Variants in PAQR8 observed in about 807,000 individuals in gnomAD.
The protein encoded by PAQR8 is membrane progestin receptor beta.
A neutral mutation model predicts 25.2 loss-of-function variants in PAQR8; 17 were observed. The observed-to-expected ratio is 0.67, with a 90% CI of 0.46 to 1.01. The LOEUF is 1.01. Among genes scored for constraint, PAQR8 ranks in the 50% least tolerant of loss-of-function variants. The probability of loss-of-function intolerance (pLI) is 0.00; values close to 1 mark genes in which losing one functional copy is unlikely to be tolerated. For synonymous variants in PAQR8, 204 were observed against 190.6 expected, an observed-to-expected ratio of 1.07 and a Z score of -0.58; for missense variants, 392 against 448.4, an observed-to-expected ratio of 0.87 and a Z score of 1.14.
intron 1 of PAQR8, among the ~76,000 whole-genome samples, chr6:52,390,550 G>A (rs1313589016): frequency 6.6e-6 from 1 of 152,056 alleles, no homozygotes; most frequent in Admixed American, 6.6e-5. Context: ...TTATAGGCAC[G>A]GTTCAGCCGT....
At chr6:52,398,192 CTTTT>C (rs1351125409) in intron 1 of PAQR8, among the ~76,000 whole-genome samples, 1 of 120,418 alleles carries the variant, frequency 8.3e-6, no homozygotes, top group Non-Finnish European at 1.7e-5. Flanking sequence ...TAGAATTTTT[CTTTT>C]CTTTTTTCTT....
chr6:52,368,098 C>A (rs1440272555), intron 1 of PAQR8, among the ~76,000 whole-genome samples: 1 of 152,096 alleles, frequency 6.6e-6, no homozygotes, highest in Non-Finnish European at 1.5e-5. Flanking sequence ...GGTGTGGTGG[C>A]ACGTGCCTGT....
chr6:52,387,346 C>T (rs76415973), intron 1 of PAQR8, among the ~76,000 whole-genome samples: 13,884 of 152,224 alleles, frequency 0.091, 1,109 homozygotes, highest in East Asian at 0.44. Context: ...TTCACAAAGA[C>T]GCAGTCAGTT....
At chr6:52,383,089 T>A (rs950256861) in intron 1 of PAQR8, among the ~76,000 whole-genome samples, 4 of 152,218 alleles carry the variant, frequency 2.6e-5, no homozygotes, top group Non-Finnish European at 4.4e-5. Context: ...TGTATCTGCT[T>A]TAGAGAGAAG....
intron 1 of PAQR8, among the ~76,000 whole-genome samples, chr6:52,374,373 T>G (rs572600427): frequency 6.6e-6 from 1 of 152,210 alleles, no homozygotes; most frequent in East Asian, 1.9e-4. Flanking sequence ...TTTACTCGCT[T>G]CTTTCCTCCT....
intron 1 of PAQR8, among the ~76,000 whole-genome samples, chr6:52,377,047 G>C (rs1050741644): frequency 4.6e-5 from 7 of 152,124 alleles, no homozygotes; most frequent in Non-Finnish European, 1.0e-4. Context: ...TGCTGGTACT[G>C]TATCCTCTGT....
chr6:52,378,694 G>A (rs1299652521), intron 1 of PAQR8, among the ~76,000 whole-genome samples: 2 of 152,086 alleles, frequency 1.3e-5, no homozygotes, highest in African/African-American at 2.4e-5. Context: ...GGGAGGCTGA[G>A]GCAGGAGAAT....
chr6:52,385,154 C>T (rs1039613243), intron 1 of PAQR8, among the ~76,000 whole-genome samples: 2 of 152,240 alleles, frequency 1.3e-5, no homozygotes, highest in East Asian at 3.9e-4. Context: ...GGGCAGTGTC[C>T]CCCATACTGT....
rs990825157 is a variant in PAQR8, at chr6:52,404,587, A to G, written c.*309A>G. 2.7e-5 allele frequency: 7 copies of G among 260,788 alleles called. No homozygotes were observed. Among genetic ancestry groups the G allele is most frequent in the South Asian group, 1.6e-4 (2 of 12,882 alleles). 16.2% of individuals were successfully genotyped at this position (260,788 alleles called of 1,614,324 possible). ...CTGAAAATTTAGCAAAATTCCGACT[A>G]TGGCCTCCAGGGGCAATTCCTAAAA... On this transcript the variant is annotated 3_prime_UTR_variant, in exon 2 of 2. Coordinates refer to ENST00000442253, the MANE Select transcript of PAQR8 (RefSeq NM_133367.5).
At chr6:52,370,879 A>G (rs1763410330) in intron 1 of PAQR8, among the ~76,000 whole-genome samples, 3 of 152,222 alleles carry the variant, frequency 2.0e-5, no homozygotes, top group Admixed American at 2.0e-4. Context: ...CATAAGGAAT[A>G]CATAGAGCAG....
At chr6:52,383,046 G>A (rs1043324470) in intron 1 of PAQR8, among the ~76,000 whole-genome samples, 1 of 152,234 alleles carries the variant, frequency 6.6e-6, no homozygotes, top group African/African-American at 2.4e-5. Context: ...AAAGTGTTGG[G>A]ATTATTGGTG....
Position 52,404,145 on chromosome 6 carries a change from T to C in PAQR8, c.932T>C (p.Phe311Ser). The change falls in exon 2 of 2, where the codon TTC becomes TCC. Residue 311 changes from phenylalanine (F) to serine (S), a missense_variant. Transcript: ENST00000442253. Reference sequence around the variant, plus strand: ...GACTACCAGGGGCGGCAGGAGATCTTCCTGCAGCGCCATGGACCCCTATCT... The same window carrying C: ...GACTACCAGGGGCGGCAGGAGATCTCCCTGCAGCGCCATGGACCCCTATCT... ...LLDYQGRQEI[F>S]LQRHGPLSVH... is the part of the protein sequence containing the mutation. 6.2e-7 allele frequency: 1 copy of C among 1,614,202 alleles called. No individual in the cohort carries two copies. The highest frequency in any genetic ancestry group is 8.5e-7 in the Non-Finnish European group (1 of 1,180,028).
At position 52,403,208 on chromosome 6, in the gene PAQR8, G is replaced by A. The variant is rs1375629874; in HGVS notation, c.-6G>A. On this transcript the variant is annotated 5_prime_UTR_variant, in exon 2 of 2. Coordinates refer to ENST00000442253, the MANE Select transcript of PAQR8 (RefSeq NM_133367.5). The stretch of plus-strand genomic sequence containing the variant: ...GCGCGGCACGGAGTGCATGCGGGCC[G>A]CTGCCATGACGACCGCCATCTTGGA... 1.3e-6 allele frequency: 2 copies of A among 1,588,744 alleles called. No individual in the cohort carries two copies. The highest frequency in any genetic ancestry group is 1.7e-6 in the Non-Finnish European group (2 of 1,162,836).
chr6:52,376,718 T>C (rs1325043391), intron 1 of PAQR8, among the ~76,000 whole-genome samples: 1 of 152,208 alleles, frequency 6.6e-6, no homozygotes, highest in Non-Finnish European at 1.5e-5. Context: ...TAAGCTGAAA[T>C]CACTTCTGGC....
At chr6:52,364,309 A>G (rs72927448) in intron 1 of PAQR8, among the ~76,000 whole-genome samples, 2,809 of 152,252 alleles carry the variant, frequency 0.018, 27 homozygotes, top group South Asian at 0.033. Context: ...TACAAGAATC[A>G]TTTCAGGATA....
chr6:52,403,420 C>G lies in PAQR8; in HGVS notation c.207C>G (p.Leu69=). ...AGTGGCGCTACTACTTCTTCAGCCT[C>G]TTTCAGAAACACAACGAGGTGGTCA... The part of the protein sequence containing the change: ...GHEWRYYFFS[L]FQKHNEVVNV... The change falls in exon 2 of 2, where the codon CTC becomes CTG. Residue 69 remains leucine, a synonymous_variant. Coordinates refer to ENST00000442253, the MANE Select transcript of PAQR8 (RefSeq NM_133367.5). 1.2e-6 allele frequency: 2 copies of G among 1,614,276 alleles called. No homozygotes were observed. Among genetic ancestry groups the G allele is most frequent in the Non-Finnish European group, 1.7e-6 (2 of 1,180,050 alleles).
At position 52,403,247 on chromosome 6, in the gene PAQR8, C is replaced by A. The variant is rs1475388362; in HGVS notation, c.34C>A (p.Leu12Met). The change falls in exon 2 of 2, where the codon CTG becomes ATG. Residue 12 changes from leucine to methionine, a missense_variant. By Grantham distance (15) the Leu-to-Met change is conservative. Coordinates refer to ENST00000442253, the MANE Select transcript of PAQR8 (RefSeq NM_133367.5). ...TTAILERLST[L>M]SVSGQQLRRL... ...CGCCATCTTGGAGCGCCTGAGCACC[C>A]TGTCGGTCAGCGGGCAGCAGCTGCG... The A allele has an allele frequency of 6.2e-7, 1 of 1,609,128 alleles. No individual in the cohort carries two copies. The highest frequency in any genetic ancestry group is 1.7e-5 in the Admixed American group (1 of 59,914).
intron 1 of PAQR8, among the ~76,000 whole-genome samples, chr6:52,385,151 G>A (rs772883921): frequency 2.0e-5 from 3 of 152,194 alleles, no homozygotes; most frequent in Non-Finnish European, 2.9e-5. Context: ...TGGGGGCAGT[G>A]TCCCCCATAC....
At chr6:52,401,195 A>G (rs1358766320) in intron 1 of PAQR8, among the ~76,000 whole-genome samples, 1 of 152,146 alleles carries the variant, frequency 6.6e-6, no homozygotes, top group Non-Finnish European at 1.5e-5. Context: ...TTTCTCTTCC[A>G]ATATTGATTG....
Sources: gnomAD v4.1 joint callset for allele counts (sites outside exome capture counted in the v4.1 genomes callset) on GRCh38, gnomAD v4.1.1 for gene constraint, MANE v1.5 for transcripts, NCBI Gene and HGNC (gene_info 2026-07-23, HGNC 2026-07-21) for gene names.